The following CEP83 variants were observed in gnomAD, a reference collection of about 807,000 sequenced individuals.
CEP83 encodes the protein centrosomal protein 83.
CEP83 carries 70 observed loss-of-function variants against 101.9 expected under a neutral mutation model. That is an observed-to-expected ratio of 0.69 (90% CI 0.57 to 0.84). The LOEUF (loss-of-function observed/expected upper bound fraction) is 0.84, where lower values mean the gene tolerates loss of function less well. CEP83 is among the 40% of genes least tolerant of loss of function. The probability of loss-of-function intolerance (pLI) is 0.00; values close to 1 mark genes in which losing one functional copy is unlikely to be tolerated. For synonymous variants in CEP83, 264 were observed against 267.9 expected (o/e 0.99, Z 0.14); for missense variants, 715 against 787.2 (o/e 0.91, Z 1.10).
intron 2 of CEP83, chr12:94,424,033 G>T (rs1164599332): frequency 1.9e-6 from 3 of 1,612,452 alleles, no homozygotes; most frequent in East Asian, 2.2e-5. Context: ...GCTGCATGAG[G>T]TATGAATGGT....
chr12:94,451,656 T>C (rs1226554269), intron 1 of CEP83, among the ~76,000 whole-genome samples: 1 of 152,088 alleles, frequency 6.6e-6, no homozygotes, highest in African/African-American at 2.4e-5. Context: ...ATACCAACTG[T>C]TGGTGAGGAT....
At chr12:94,406,888 C>T (rs947440568) in intron 4 of CEP83, among the ~76,000 whole-genome samples, 3 of 150,798 alleles carry the variant, frequency 2.0e-5, no homozygotes, top group Non-Finnish European at 4.4e-5. Context: ...GATCGCGCCA[C>T]TGCACTCCAG....
chr12:94,303,883 C>T (rs775130513), downstream of CEP83: 1 of 1,608,714 alleles, frequency 6.2e-7, no homozygotes, highest in African/African-American at 1.3e-5. Context: ...GAATTTTTAA[C>T]TCAGGAATCT....
chr12:94,335,713 T>C (rs1368159172), intron 11 of CEP83, 49 bp from the exon 12 acceptor site: 1 of 1,199,660 alleles, frequency 8.3e-7, no homozygotes, highest in African/African-American at 1.5e-5. Flanking sequence ...CCATGATTCA[T>C]TTATTTCACT....
the CEP83 span, chr12:94,298,619 G>A: frequency 6.4e-7 from 1 of 1,574,580 alleles, no homozygotes; most frequent in African/African-American, 1.4e-5. Flanking sequence ...ATCTGATGTT[G>A]TCTATCTTTC....
At chr12:94,364,933 T>C (rs1404586253) in intron 11 of CEP83, among the ~76,000 whole-genome samples, 1 of 152,108 alleles carries the variant, frequency 6.6e-6, no homozygotes, top group Non-Finnish European at 1.5e-5. Context: ...AAGAAGTGAA[T>C]TCCTCTTTAA....
chr12:94,304,095 C>G (rs1968759879), downstream of CEP83: 1 of 1,198,218 alleles, frequency 8.3e-7, no homozygotes, highest in Non-Finnish European at 1.2e-6. Context: ...GAATCAGGCA[C>G]AAGGATGTGG....
At chr12:94,265,985 TGGA>T in the CEP83 span, among the ~76,000 whole-genome samples, 1 of 152,226 alleles carries the variant, frequency 6.6e-6, no homozygotes, top group African/African-American at 2.4e-5. Flanking sequence ...AGTAGAGACT[TGGA>T]GAAGAGATTG....
At chr12:94,348,377 T>C (rs986644508) in intron 11 of CEP83, among the ~76,000 whole-genome samples, 3 of 152,142 alleles carry the variant, frequency 2.0e-5, no homozygotes, top group Non-Finnish European at 4.4e-5. Flanking sequence ...TTTATGGTCA[T>C]TTGGCATTTG....
the CEP83 span, among the ~76,000 whole-genome samples, chr12:94,272,613 C>T: frequency 1.7e-4 from 26 of 152,242 alleles, no homozygotes; most frequent in African/African-American, 5.1e-4. Flanking sequence ...TTGTTCGGAT[C>T]GAAGACTTCC....
At chr12:94,349,656 G>A (rs2060112510) in intron 11 of CEP83, among the ~76,000 whole-genome samples, 1 of 152,180 alleles carries the variant, frequency 6.6e-6, no homozygotes, top group Non-Finnish European at 1.5e-5. Context: ...AAGCCACAGT[G>A]AGTATCATAA....
At chr12:94,330,423 T>C (rs1479730894) in intron 14 of CEP83, among the ~76,000 whole-genome samples, 2 of 152,284 alleles carry the variant, frequency 1.3e-5, no homozygotes, top group South Asian at 2.1e-4. Flanking sequence ...TTTGCTGAAA[T>C]AGAAAAAAGT....
At chr12:94,439,913 C>A (rs1264123353) in intron 1 of CEP83, among the ~76,000 whole-genome samples, 2 of 151,992 alleles carry the variant, frequency 1.3e-5, no homozygotes, top group Non-Finnish European at 2.9e-5. Context: ...ATGTAATACA[C>A]CATATAAACA....
chr12:94,346,635 G>T (rs1393707192), intron 11 of CEP83, among the ~76,000 whole-genome samples: 1 of 152,170 alleles, frequency 6.6e-6, no homozygotes, highest in Non-Finnish European at 1.5e-5. Context: ...AATCTTGTGG[G>T]ACCAAGCCTT....
intron 11 of CEP83, among the ~76,000 whole-genome samples, chr12:94,340,806 C>T (rs1351266663): frequency 1.3e-5 from 2 of 151,992 alleles, no homozygotes; most frequent in African/African-American, 4.8e-5. Context: ...ACATATGTTC[C>T]CAGCATCACA....
chr12:94,278,326 T>C, the CEP83 span, among the ~76,000 whole-genome samples: 1 of 152,262 alleles, frequency 6.6e-6, no homozygotes, highest in African/African-American at 2.4e-5. Context: ...TACTCTTGGC[T>C]CTTCCCTGAA....
At chr12:94,284,087 GAAAAA>G in the CEP83 span, among the ~76,000 whole-genome samples, 1 of 82,696 alleles carries the variant, frequency 1.2e-5, no homozygotes, top group South Asian at 4.5e-4. Context: ...CATGTCAGGG[GAAAAA>G]AAAAAAAAAA....
intron 14 of CEP83, among the ~76,000 whole-genome samples, chr12:94,314,574 C>T (rs1190960723): frequency 1.3e-5 from 2 of 152,162 alleles, no homozygotes; most frequent in South Asian, 2.1e-4. Flanking sequence ...ATTCCACTTA[C>T]GATTATTGCA....
intron 2 of CEP83, chr12:94,424,028 A>G: frequency 6.2e-7 from 1 of 1,612,740 alleles, no homozygotes; most frequent in Non-Finnish European, 8.5e-7. Context: ...TGAAGGCTGC[A>G]TGAGGTATGA....
Sources: allele counts gnomAD v4.1 joint callset (sites outside exome capture counted in the v4.1 genomes callset), GRCh38; gene constraint gnomAD v4.1.1; transcripts MANE v1.5; gene names NCBI Gene and HGNC (gene_info 2026-07-23, HGNC 2026-07-21).